Variants in NUP107 observed in about 807,000 individuals in gnomAD.
NUP107 encodes the protein nuclear pore complex protein Nup107.
NUP107 carries 101 observed loss-of-function variants against 141.0 expected under a neutral mutation model. That is an observed-to-expected ratio of 0.72 (90% confidence interval 0.61 to 0.84). The LOEUF (loss-of-function observed/expected upper bound fraction) is 0.84. Ranked by LOEUF, NUP107 falls within the 40% of genes least tolerant of loss-of-function variation. The pLI, the probability that NUP107 is intolerant of heterozygous loss-of-function variation, is 0.00. For synonymous variants in NUP107, 319 were observed against 363.9 expected (o/e 0.88, Z 1.41); for missense variants, 941 against 1,102.7 (o/e 0.85, Z 2.08).
intron 26 of NUP107, chr12:68,739,847 A>C (rs1272792670): frequency 1.3e-5 from 2 of 152,258 alleles, no homozygotes; most frequent in Non-Finnish European, 2.9e-5. Context: ...AAAAAAAAAA[A>C]AAAAAGTGGA....
intron 8 of NUP107, among the ~76,000 whole-genome samples, chr12:68,703,978 G>A (rs1876459177): frequency 6.6e-6 from 1 of 152,136 alleles, no homozygotes; most frequent in South Asian, 2.1e-4. Context: ...TCAGGCTAAG[G>A]CCAGAGGATC....
chr12:68,716,961 GAT>G (rs1421952900), intron 12 of NUP107, among the ~76,000 whole-genome samples: 1 of 151,684 alleles, frequency 6.6e-6, no homozygotes. Flanking sequence ...GCAGTGGCGC[GAT>G]CTCGGCTCAC....
At position 68,742,989 on chromosome 12, in the gene NUP107, T is replaced by C. The variant is rs894061397; in HGVS notation, c.*527T>C. The C allele has an allele frequency of 6.6e-6, 1 of 152,630 alleles. No individual in the cohort carries two copies. The highest frequency in any genetic ancestry group is 2.4e-5 in the African/African-American group (1 of 41,460). The allele number at this position is 152,630 out of a possible 1,614,324, so 9.5% of individuals were successfully genotyped here. A position where few individuals can be genotyped will look rare whatever the true frequency, so the allele number is the denominator to read the frequency against. On this transcript the variant is annotated 3_prime_UTR_variant, in exon 28 of 28. Coordinates refer to ENST00000229179, the MANE Select transcript of NUP107 (RefSeq NM_020401.4). ...AACTTCCTATCAAAATAAGAGCATA[T>C]AAAGACTTAGCGTAGTACCTGGCAC...
At chr12:68,689,250 A>C (rs902802933) in intron 2 of NUP107, among the ~76,000 whole-genome samples, 197 bp downstream of exon 2, 3 of 152,208 alleles carry the variant, frequency 2.0e-5, no homozygotes, top group Non-Finnish European at 4.4e-5. Context: ...AAAAATAAAG[A>C]TATTTCTTAC....
chr12:68,720,815 A>G (rs1877319158), intron 14 of NUP107, among the ~76,000 whole-genome samples: 2 of 152,186 alleles, frequency 1.3e-5, no homozygotes, highest in African/African-American at 4.8e-5. Flanking sequence ...AAATAACTAT[A>G]TAGATTGTAT....
At chr12:68,719,704 G>T in intron 14 of NUP107, 50 bp downstream of exon 14, 2 of 1,310,838 alleles carry the variant, frequency 1.5e-6, no homozygotes, top group South Asian at 2.4e-5. Context: ...CCAATTAATT[G>T]AAAGCCTATT....
chr12:68,690,224 G>GA (rs900688833), intron 3 of NUP107, among the ~76,000 whole-genome samples: 14 of 150,608 alleles, frequency 9.3e-5, no homozygotes, highest in African/African-American at 2.9e-4. Flanking sequence ...TTCTGAGACA[G>GA]AAAAAAAAGA....
chr12:68,730,683 G>C (rs1877783571), intron 20 of NUP107, among the ~76,000 whole-genome samples: 1 of 152,138 alleles, frequency 6.6e-6, no homozygotes, highest in Admixed American at 6.6e-5. Context: ...AATTATTCTG[G>C]GCTGGACACA....
chr12:68,732,229 C>T (rs993753652), intron 22 of NUP107, among the ~76,000 whole-genome samples: 8 of 152,206 alleles, frequency 5.3e-5, no homozygotes, highest in Non-Finnish European at 1.0e-4. Flanking sequence ...CCTTCGCCTT[C>T]TAGGCTCAAG....
chr12:68,742,378 G>C lies in NUP107; in HGVS notation c.2694G>C (p.Arg898Ser), dbSNP rs755164468. ...LYLVFSKEEL[R>S]KLLQKLRESS... ...AGGTATTTTCTAAGGAAGAGCTAAG[G>C]AAGTTGCTGCAGAAGCTCAGAGAGT... Residue 898 changes from arginine to serine, a missense_variant, in exon 28 of 28, where the codon AGG (arginine) becomes AGC (serine). Coordinates refer to ENST00000229179, the MANE Select transcript of NUP107 (RefSeq NM_020401.4). 1.2e-6 allele frequency: 2 copies of C among 1,609,932 alleles called. No homozygotes were observed. The highest frequency in any genetic ancestry group is 1.7e-6 in the Non-Finnish European group (2 of 1,176,986).
chr12:68,718,522 A>G (rs751890064), intron 12 of NUP107, among the ~76,000 whole-genome samples: 6 of 152,200 alleles, frequency 3.9e-5, no homozygotes, highest in Admixed American at 6.5e-5. Context: ...TTTTTCATAA[A>G]TCAGAGGTCA....
At chr12:68,692,378 A>T (rs1032324061) in intron 5 of NUP107, among the ~76,000 whole-genome samples, 1 of 152,062 alleles carries the variant, frequency 6.6e-6, no homozygotes, top group African/African-American at 2.4e-5. Context: ...CAGGAGTTCA[A>T]GACCAGCCTG....
At chr12:68,712,074 G>T (rs1876881182) in intron 10 of NUP107, among the ~76,000 whole-genome samples, 1 of 152,032 alleles carries the variant, frequency 6.6e-6, no homozygotes, top group Non-Finnish European at 1.5e-5. Flanking sequence ...ATAGGCCCTT[G>T]AAGCCAGAAA....
intron 8 of NUP107, among the ~76,000 whole-genome samples, chr12:68,707,280 C>T (rs1876634909): frequency 6.6e-6 from 1 of 151,538 alleles, no homozygotes; most frequent in South Asian, 2.1e-4. Flanking sequence ...AATAAAACCT[C>T]AGCTAGCTCT....
In NUP107 at chr12:68,692,135, G is replaced by T. The variant is rs139527252; in HGVS notation, c.448+23G>T. The T allele has an allele frequency of 1.0e-5, 16 of 1,548,558 alleles. No homozygotes were observed. The African/African-American group carries it at 1.5e-4, about 15-fold the overall frequency. On this transcript the variant is annotated intron_variant, in intron 5 of 27. Transcript: ENST00000229179. Reference sequence around the variant, plus strand: ...CTGGTAAAATGGCATTGAGCTTTGTGACAAGTAGCTTTTCACTTTAGCAAG... The same window carrying T: ...CTGGTAAAATGGCATTGAGCTTTGTTACAAGTAGCTTTTCACTTTAGCAAG...
At chr12:68,690,451 T>A in intron 3 of NUP107, 180 bp from the exon 4 acceptor site, 2 of 821,444 alleles carry the variant, frequency 2.4e-6, no homozygotes, top group East Asian at 5.4e-5. Context: ...ACAGCTCAAA[T>A]TTAGAAAAAT....
At chr12:68,721,392 A>G (rs549160541) in intron 15 of NUP107, among the ~76,000 whole-genome samples, 1 of 152,324 alleles carries the variant, frequency 6.6e-6, no homozygotes, top group African/African-American at 2.4e-5. Flanking sequence ...TTAATGAATG[A>G]AATCAGATTT....
At chr12:68,724,841 C>T (rs1403610792) in intron 17 of NUP107, among the ~76,000 whole-genome samples, 2 of 151,942 alleles carry the variant, frequency 1.3e-5, no homozygotes, top group Non-Finnish European at 1.5e-5. Flanking sequence ...TTAGAGGGTA[C>T]TTGCCTTACT....
At chr12:68,704,799 G>C (rs1876499515) in intron 8 of NUP107, among the ~76,000 whole-genome samples, 1 of 152,006 alleles carries the variant, frequency 6.6e-6, no homozygotes, top group Non-Finnish European at 1.5e-5. Flanking sequence ...GTTAAAAAAG[G>C]AGATAATGTA....
Sources: allele counts gnomAD v4.1 joint callset (sites outside exome capture counted in the v4.1 genomes callset), GRCh38; gene constraint gnomAD v4.1.1; transcripts MANE v1.5; gene names NCBI Gene and HGNC (gene_info 2026-07-23, HGNC 2026-07-21).